The following USH2A variants were observed in gnomAD, a reference collection of about 807,000 sequenced individuals.
USH2A encodes Usher syndrome 2A (autosomal recessive, mild).
In USH2A, 443 loss-of-function variants were observed where a neutral mutation model predicts 538.9. The observed-to-expected ratio is 0.82, with a 90% CI of 0.76 to 0.89. USH2A has a LOEUF of 0.89. Among genes scored for constraint, USH2A ranks in the 40% least tolerant of loss-of-function variants. The pLI is 0.00. For missense variants in USH2A, 6,633 were observed against 6,324.8 expected (o/e 1.05, Z -1.65); for synonymous variants, 2,413 against 2,273.5 (o/e 1.06, Z -1.75).
intron 15 of USH2A, among the ~76,000 whole-genome samples, chr1:216,212,359 T>A (rs2035258721): frequency 6.6e-6 from 1 of 152,170 alleles, no homozygotes; most frequent in African/African-American, 2.4e-5. Flanking sequence ...GAGAATAATA[T>A]TATTAAATCT....
intron 61 of USH2A, among the ~76,000 whole-genome samples, chr1:215,698,942 T>C (rs11120611): frequency 0.62 from 94,146 of 152,010 alleles, 29,785 homozygotes; most frequent in Middle Eastern, 0.72. Context: ...TCTTCTAGGG[T>C]TTTTATGGTT....
chr1:216,422,097 G>C lies in USH2A; in HGVS notation c.240C>G (p.Thr80=). 1 of 1,613,770 alleles carries C rather than the reference G, an allele frequency of 6.2e-7. No individual in the cohort carries two copies. The highest frequency in any genetic ancestry group is 8.5e-7 in the Non-Finnish European group (1 of 1,179,878). The change falls in exon 2 of 72, where the codon ACC becomes ACG. Residue 80 remains threonine (T), a synonymous_variant. Transcript: ENST00000307340. ...SAAAESIQFC[T]QRFCIQDCPY... is the part of the protein sequence containing the mutation. ...GGCAATCCTGAATACAAAACCGCTG[G>C]GTACAGAACTGAATACTTTCAGCAG... is the stretch of plus-strand genomic sequence containing the variant.
chr1:216,097,137 C>A lies in USH2A; in HGVS notation c.4704G>T (p.Glu1568Asp), dbSNP rs778397682. 6.2e-7 allele frequency: 1 copy of A among 1,614,132 alleles called. No individual in the cohort carries two copies. The highest frequency in any genetic ancestry group is 1.7e-5 in the Admixed American group (1 of 60,016). ...VFAASPGNQE[E>D]YFALQLKKGR... ...CCTTCTTCAACTGAAGTGCAAAATA[C>A]TCTTCCTGATTGCCAGGTGATGCTG... The change falls in exon 22 of 72, where the codon GAG becomes GAT. Residue 1568 changes from glutamate to aspartate, a missense_variant. By Grantham distance (45) the Glu-to-Asp change is conservative. Transcript: ENST00000307340.
At chr1:216,061,693 A>G (rs908621090) in intron 30 of USH2A, among the ~76,000 whole-genome samples, 1 of 152,204 alleles carries the variant, frequency 6.6e-6, no homozygotes, top group East Asian at 1.9e-4. Context: ...GTATACAGCT[A>G]TAGTTTTGAA....
chr1:216,244,384 C>G (rs201254935), intron 13 of USH2A, among the ~76,000 whole-genome samples: 1 of 151,936 alleles, frequency 6.6e-6, no homozygotes, highest in East Asian at 1.9e-4. Flanking sequence ...AAATGATAAG[C>G]AAAATAAAAC....
rs542700034 is a variant in USH2A, at chr1:215,878,951, C to G, written c.8371G>C (p.Val2791Leu). The G allele has an allele frequency of 1.2e-6, 2 of 1,614,012 alleles. No homozygotes were observed. The highest frequency in any genetic ancestry group is 3.3e-5 in the Admixed American group (2 of 60,020). Residue 2791 changes from valine (V) to leucine (L), a missense_variant, in exon 42 of 72, where the codon GTC (valine) becomes CTC (leucine). Val to Leu is a conservative substitution (Grantham distance 32). Coordinates refer to ENST00000307340, the MANE Select transcript of USH2A (RefSeq NM_206933.4). ...CCCCCTGAGCAAGCAACAATGGTGA[C>G]AGAATAATTAGTGAAAGGAATCAGA... ...THLIPFTNYS[V>L]TIVACSGGNG...
intron 16 of USH2A, among the ~76,000 whole-genome samples, chr1:216,205,762 G>A (rs1010705942): frequency 3.1e-4 from 47 of 152,134 alleles, no homozygotes; most frequent in Admixed American, 1.0e-3. Context: ...TTGCTGTTCC[G>A]AGGTTTCTTA....
At chr1:216,120,927 C>T (rs565327962) in intron 21 of USH2A, among the ~76,000 whole-genome samples, 55 of 147,876 alleles carry the variant, frequency 3.7e-4, no homozygotes, top group African/African-American at 1.3e-3. Flanking sequence ...ACAAGCAAAA[C>T]TTATATACTT....
chr1:216,418,826 T>G (rs17026722), intron 2 of USH2A, 147 bp from the exon 3 acceptor site: 23 of 751,196 alleles, frequency 3.1e-5, no homozygotes, highest in South Asian at 8.1e-5. Context: ...TGTCATTATA[T>G]TCAATGAAAG....
intron 11 of USH2A, among the ~76,000 whole-genome samples, chr1:216,260,961 G>A (rs995963403): frequency 1.3e-5 from 2 of 152,116 alleles, no homozygotes; most frequent in African/African-American, 2.4e-5. Flanking sequence ...ACTAATATTT[G>A]AGCTTTTAAC....
At chr1:216,323,277 TATATATA>T (rs2037653488) in intron 8 of USH2A, among the ~76,000 whole-genome samples, 190 bp downstream of exon 8, 2 of 44,192 alleles carry the variant, frequency 4.5e-5, no homozygotes, top group African/African-American at 1.1e-4. Context: ...AAATACGTTT[TATATATA>T]TATATATATA....
At chr1:216,094,962 G>A (rs2032404528) in intron 22 of USH2A, among the ~76,000 whole-genome samples, 1 of 150,152 alleles carries the variant, frequency 6.7e-6, no homozygotes, top group Admixed American at 6.6e-5. Context: ...GTAGGTGTGT[G>A]TGTGTGTGTG....
At chr1:216,055,173 G>A (rs914153079) in intron 30 of USH2A, among the ~76,000 whole-genome samples, 5 of 152,226 alleles carry the variant, frequency 3.3e-5, no homozygotes, top group Admixed American at 6.5e-5. Flanking sequence ...GCTGTTTCTA[G>A]CTTCCTCTCC....
intron 21 of USH2A, among the ~76,000 whole-genome samples, chr1:216,152,443 G>A (rs1200302952): frequency 7.0e-6 from 1 of 143,216 alleles, no homozygotes; most frequent in Non-Finnish European, 1.5e-5. Context: ...CACCCCCACT[G>A]AGCACCTTGC....
chr1:216,009,658 C>T (rs1362492051), intron 32 of USH2A, among the ~76,000 whole-genome samples: 2 of 152,020 alleles, frequency 1.3e-5, no homozygotes, highest in Non-Finnish European at 2.9e-5. Context: ...TCTACAGACC[C>T]ATCTGACCTC....
At chr1:216,204,246 C>T (rs536244870) in intron 16 of USH2A, 24 of 152,374 alleles carry the variant, frequency 1.6e-4, no homozygotes, top group African/African-American at 5.3e-4. Flanking sequence ...CTTCCTATGA[C>T]ACGTAAGATA....
chr1:216,176,122 A>C (rs2102641937), intron 20 of USH2A, among the ~76,000 whole-genome samples: 1 of 152,378 alleles, frequency 6.6e-6, no homozygotes, highest in East Asian at 1.9e-4. Context: ...CTTGTGTAAA[A>C]ATACATCAGA....
chr1:215,633,968 C>T (rs945492816), intron 70 of USH2A, among the ~76,000 whole-genome samples: 1 of 152,120 alleles, frequency 6.6e-6, no homozygotes, highest in East Asian at 1.9e-4. Flanking sequence ...GACCAGAGGA[C>T]AGACCGAGCA....
rs1057348156 is a variant in USH2A, at chr1:215,889,051, G to A, written c.7598C>T (p.Pro2533Leu). The A allele has an allele frequency of 2.5e-6, 4 of 1,613,570 alleles. No individual in the cohort carries two copies. The highest frequency in any genetic ancestry group is 3.4e-6 in the Non-Finnish European group (4 of 1,180,008). Reference sequence around the variant, plus strand: ...AAGAATCGGAGGAACTACAGGTCCAGGTTCTGTAAAGTAAAATAAATCCAG... The same window carrying A: ...AAGAATCGGAGGAACTACAGGTCCAAGTTCTGTAAAGTAAAATAAATCCAG... ...WIPFMTAEDKPGPVVPPILLD... is the reference protein window; with the variant it reads ...WIPFMTAEDKLGPVVPPILLD... The change falls in exon 41 of 72, where the codon CCT (proline) becomes CTT (leucine). Residue 2533 changes from proline to leucine, a missense_variant. Pro to Leu is a moderately conservative substitution (Grantham distance 98). Coordinates refer to ENST00000307340, the MANE Select transcript of USH2A (RefSeq NM_206933.4).
Sources: gnomAD v4.1 joint callset for allele counts (sites outside exome capture counted in the v4.1 genomes callset) on GRCh38, gnomAD v4.1.1 for gene constraint, MANE v1.5 for transcripts, NCBI Gene and HGNC (gene_info 2026-07-23, HGNC 2026-07-21) for gene names.